Variants in NAALADL2 observed in about 807,000 individuals in gnomAD.
NAALADL2 encodes N-acetylated alpha-linked acidic dipeptidase like 2.
Under a neutral mutation model 87.2 loss-of-function variants are expected in NAALADL2, and 76 were observed. The ratio of observed to expected loss-of-function variants is 0.87; its 90% CI spans 0.72 to 1.05. NAALADL2 has a LOEUF of 1.05. Among genes scored for constraint, NAALADL2 ranks in the 50% least tolerant of loss-of-function variants. NAALADL2 has a pLI of 0.00. For synonymous variants in NAALADL2, 354 were observed against 331.0 expected, an observed-to-expected ratio of 1.07 and a Z score of -0.75; for missense variants, 1,089 against 945.8, an observed-to-expected ratio of 1.15 and a Z score of -1.99.
intron 4 of NAALADL2, among the ~76,000 whole-genome samples, chr3:175,260,994 T>G (rs1750931270): frequency 6.6e-6 from 1 of 152,154 alleles, no homozygotes; most frequent in South Asian, 2.1e-4. Context: ...TTCTGATATG[T>G]GCTGTGAAAT....
chr3:174,941,230 C>G (rs1156704714), intron 1 of NAALADL2, among the ~76,000 whole-genome samples: 1 of 152,080 alleles, frequency 6.6e-6, no homozygotes, highest in Non-Finnish European at 1.5e-5. Context: ...CAAAGAACTT[C>G]TTGATTTCTG....
intron 2 of NAALADL2, among the ~76,000 whole-genome samples, chr3:174,645,489 T>C (rs1723685776): frequency 6.6e-6 from 1 of 152,122 alleles, no homozygotes. Context: ...ATGTGAAAAA[T>C]AGAGTTGGAG....
rs556262677 is a variant in NAALADL2 at position 174,746,095 on chromosome 3, G to A, written c.-9+8349G>A. Among the ~76,000 whole-genome samples the A allele has an allele frequency of 4.6e-5, 7 of 152,286 alleles. No individual in the cohort carries two copies. In the South Asian group the frequency reaches 1.5e-3, roughly 32 times the overall value. ...TTCTGGCCAGCACAATCAGGTAAGA[G>A]AAAGAAATAAAGGGTATTCAAATTG... On this transcript the variant is annotated intron_variant, in intron 3 of 3. Coordinates refer to the NAALADL2 transcript ENST00000434257.
At chr3:175,748,352 T>C (rs1339280023) in intron 12 of NAALADL2, among the ~76,000 whole-genome samples, 1 of 152,232 alleles carries the variant, frequency 6.6e-6, no homozygotes, top group Non-Finnish European at 1.5e-5. Context: ...GCTGAAATCA[T>C]ATTGGCAATT....
At chr3:174,529,317 G>C (rs761531563) in intron 1 of NAALADL2, among the ~76,000 whole-genome samples, 2 of 152,168 alleles carry the variant, frequency 1.3e-5, no homozygotes, top group African/African-American at 4.8e-5. Flanking sequence ...GCAAGAGGTG[G>C]GTTCCCATGG....
intron 9 of NAALADL2, among the ~76,000 whole-genome samples, chr3:175,515,338 T>G (rs535809723): frequency 6.6e-6 from 1 of 152,302 alleles, no homozygotes; most frequent in Admixed American, 6.5e-5. Context: ...CTCTGCTTCT[T>G]GCCATTTCTC....
At chr3:174,654,553 A>G (rs1266132503) in intron 2 of NAALADL2, among the ~76,000 whole-genome samples, 1 of 152,120 alleles carries the variant, frequency 6.6e-6, no homozygotes, top group Non-Finnish European at 1.5e-5. Context: ...GCATGTCAGA[A>G]ATTTATGTAT....
intron 5 of NAALADL2, among the ~76,000 whole-genome samples, chr3:175,346,469 A>C (rs1763170193): frequency 6.6e-6 from 1 of 152,174 alleles, no homozygotes; most frequent in African/African-American, 2.4e-5. Context: ...TAGACAGTGA[A>C]ATTTTCTTTC....
In NAALADL2 at chr3:174,628,991, A is replaced by G. The variant is rs192838294; in HGVS notation, c.-115+78354A>G. On this transcript the variant is annotated intron_variant, in intron 2 of 3. Transcript: ENST00000434257. The stretch of plus-strand genomic sequence containing the variant: ...TTGAAGACAAAGAAAAACAGTGACC[A>G]GGTTATAAAACTAATTGTTGTTAAA... Among the ~76,000 whole-genome samples, 27 of 152,332 alleles carry G rather than the reference A, an allele frequency of 1.8e-4. No homozygotes were observed. In the East Asian group the frequency reaches 4.4e-3, roughly 25 times the overall value.
intron 1 of NAALADL2, among the ~76,000 whole-genome samples, chr3:175,030,582 A>G (rs932823830): frequency 6.6e-6 from 1 of 152,200 alleles, no homozygotes; most frequent in Admixed American, 6.6e-5. Context: ...CACAGCCAAG[A>G]GTTAAAACAA....
chr3:175,232,237 G>GAAGAAGAAAGAAGA (rs60219054), intron 2 of NAALADL2, among the ~76,000 whole-genome samples: 101,495 of 149,214 alleles, frequency 0.68, 34,878 homozygotes, highest in Middle Eastern at 0.73. Flanking sequence ...AGAGGAAGAG[G>GAAGAAGAAAGAAGA]AAGAAGAAAG....
At chr3:175,047,590 A>G (rs1190267993) in intron 1 of NAALADL2, among the ~76,000 whole-genome samples, 1 of 152,180 alleles carries the variant, frequency 6.6e-6, no homozygotes, top group Non-Finnish European at 1.5e-5. Context: ...AAAATAAGAC[A>G]AATATAACAC....
chr3:175,160,554 A>C (rs1238417174), intron 2 of NAALADL2, among the ~76,000 whole-genome samples: 1 of 151,058 alleles, frequency 6.6e-6, no homozygotes, highest in Admixed American at 6.6e-5. Context: ...GTTTCTCCAT[A>C]CTGGTCAGGC....
rs184522801 is a variant in NAALADL2, at chr3:175,449,739, T to C, written c.1234+2367T>C. Among the ~76,000 whole-genome samples the C allele has an allele frequency of 3.3e-5, 5 of 152,294 alleles. No homozygotes were observed. The East Asian group carries it at 9.7e-4, about 29-fold the overall frequency. ...AGAATAATGTCCTTGCAAAGCAAGA[T>C]GACACTCTCCAGCTGCATTTCCATA... On this transcript the variant is annotated intron_variant, in intron 6 of 13. Coordinates refer to ENST00000454872, the MANE Select transcript of NAALADL2 (RefSeq NM_207015.3).
intron 2 of NAALADL2, among the ~76,000 whole-genome samples, chr3:175,178,849 A>G (rs1260458814): frequency 6.6e-6 from 1 of 152,080 alleles, no homozygotes; most frequent in Non-Finnish European, 1.5e-5. Flanking sequence ...TTTGTCTTCA[A>G]ATAACATTGT....
In NAALADL2 at chr3:174,668,138, T is replaced by C. The variant is rs150926153; in HGVS notation, c.-114-69503T>C. 5.3e-3 allele frequency among the ~76,000 whole-genome samples: 809 copies of C among 152,270 alleles called. 12 individuals are homozygous for C. Among genetic ancestry groups the C allele is most frequent in the South Asian group, 0.041 (198 of 4,824 alleles). On this transcript the variant is annotated intron_variant, in intron 2 of 3. Transcript: ENST00000434257. Reference sequence around the variant, plus strand: ...ATTAGTAATGTTTGGCATCTTTTCATATTCTTGTTGGTTATTTGCATGTCT... The same window carrying C: ...ATTAGTAATGTTTGGCATCTTTTCACATTCTTGTTGGTTATTTGCATGTCT...
At chr3:175,096,495 C>CGTGTGTGTGTGTGTGTGTGTGTGT (rs3067035) in intron 1 of NAALADL2, among the ~76,000 whole-genome samples, 1 of 143,228 alleles carries the variant, frequency 7.0e-6, no homozygotes, top group African/African-American at 2.6e-5. Context: ...ATTAATGGGG[C>CGTGTGTGTGTGTGTGTGTGTGTGT]GTGTGTGTGT....
chr3:175,447,086 G>A (rs900024984), intron 5 of NAALADL2, 143 bp from the exon 6 acceptor site: 4 of 537,206 alleles, frequency 7.4e-6, no homozygotes, highest in Non-Finnish European at 1.3e-5. Flanking sequence ...TAAGTAAACA[G>A]GGTATAACTA....
chr3:174,718,916 GA>G (rs1002462969), intron 2 of NAALADL2, among the ~76,000 whole-genome samples: 1 of 151,668 alleles, frequency 6.6e-6, no homozygotes, highest in East Asian at 1.9e-4. Context: ...AAAATCATTG[GA>G]AAAAAAATGC....
Sources: gnomAD v4.1 joint callset for allele counts (sites outside exome capture counted in the v4.1 genomes callset) on GRCh38, gnomAD v4.1.1 for gene constraint, MANE v1.5 for transcripts, NCBI Gene and HGNC (gene_info 2026-07-23, HGNC 2026-07-21) for gene names.